RBMS3: variants seen among roughly 807,000 people sequenced by gnomAD.
RBMS3 encodes the protein RNA-binding motif, single-stranded-interacting protein 3.
Under a neutral mutation model 66.8 loss-of-function variants are expected in RBMS3, and 27 were observed. That is an observed-to-expected ratio of 0.40 (90% CI 0.30 to 0.56). The LOEUF is 0.56. Among genes scored for constraint, RBMS3 ranks in the 20% least tolerant of loss-of-function variants. The pLI is 0.40. For missense variants in RBMS3, 513 were observed against 549.5 expected (o/e 0.93, Z 0.66); for synonymous variants, 188 against 183.0 (o/e 1.03, Z -0.22).
At chr3:29,693,293 A>C (rs2052117645) in intron 4 of RBMS3, among the ~76,000 whole-genome samples, 1 of 152,180 alleles carries the variant, frequency 6.6e-6, no homozygotes, top group Non-Finnish European at 1.5e-5. Context: ...ATAGACCTCA[A>C]ATTCATGACT....
intron 4 of RBMS3, among the ~76,000 whole-genome samples, chr3:29,732,796 C>A (rs2054191398): frequency 6.6e-6 from 1 of 152,026 alleles, no homozygotes; most frequent in Non-Finnish European, 1.5e-5. Flanking sequence ...TTAAAAAAAT[C>A]TTGCTCCCTT....
intron 4 of RBMS3, among the ~76,000 whole-genome samples, chr3:29,670,090 C>A (rs2050930615): frequency 1.3e-5 from 2 of 152,088 alleles, no homozygotes; most frequent in African/African-American, 2.4e-5. Flanking sequence ...GTCTTTGGTG[C>A]TAGTCAAATA....
chr3:29,885,371 T>C (rs17618257), intron 8 of RBMS3, among the ~76,000 whole-genome samples: 10,828 of 151,908 alleles, frequency 0.071, 464 homozygotes, highest in South Asian at 0.11. Context: ...AACAAAATTC[T>C]ATAAACTGGG....
chr3:29,525,025 G>C (rs2045037852), intron 3 of RBMS3, among the ~76,000 whole-genome samples: 1 of 152,076 alleles, frequency 6.6e-6, no homozygotes, highest in Admixed American at 6.5e-5. Context: ...CCGCACTCTA[G>C]TCTGGGCTGC....
At chr3:29,951,160 T>G (rs1449297) in intron 12 of RBMS3, among the ~76,000 whole-genome samples, 150,348 of 151,912 alleles carry the variant, frequency 0.99, 74,412 homozygotes, top group East Asian at 1. Flanking sequence ...AATTCCTTTA[T>G]TAAAAAATAA....
chr3:29,504,781 T>C (rs187992821), intron 3 of RBMS3, among the ~76,000 whole-genome samples: 107 of 152,210 alleles, frequency 7.0e-4, no homozygotes, highest in African/African-American at 2.5e-3. Flanking sequence ...CTAATAGCCA[T>C]TCTAACAGGT....
At chr3:29,419,762 A>T (rs1241877017) in intron 1 of RBMS3, among the ~76,000 whole-genome samples, 2 of 152,224 alleles carry the variant, frequency 1.3e-5, no homozygotes, top group African/African-American at 4.8e-5. Flanking sequence ...GGGGAGAGCG[A>T]TGCATATGTA....
At chr3:29,914,865 A>G (rs1469840410) in intron 10 of RBMS3, among the ~76,000 whole-genome samples, 4 of 151,832 alleles carry the variant, frequency 2.6e-5, no homozygotes, top group Non-Finnish European at 4.4e-5. Flanking sequence ...TTTTGCAAAC[A>G]TTTCAGGAAA....
intron 1 of RBMS3, among the ~76,000 whole-genome samples, chr3:29,327,508 T>C (rs774469656): frequency 7.4e-4 from 112 of 152,340 alleles, no homozygotes; most frequent in Non-Finnish European, 1.4e-3. Flanking sequence ...TCCTCCTCCT[T>C]CTGTTACTTA....
At position 29,402,228 on chromosome 3, in the gene RBMS3, A is replaced by G. The variant is rs547712175; in HGVS notation, c.76-32515A>G. 4.6e-5 allele frequency among the ~76,000 whole-genome samples: 7 copies of G among 152,206 alleles called. No homozygotes were observed. The South Asian group carries it at 1.2e-3, about 27-fold the overall frequency. On this transcript the variant is annotated intron_variant, in intron 1 of 14. Coordinates refer to ENST00000383767, the MANE Select transcript of RBMS3 (RefSeq NM_001003793.3). ...AATTGTAAGAGGCTCCTATGTAGGA[A>G]ACATTATTCTAATGAAGAAAAAGCT...
intron 3 of RBMS3, among the ~76,000 whole-genome samples, chr3:29,572,610 G>A (rs767673500): frequency 3.9e-5 from 6 of 152,080 alleles, no homozygotes; most frequent in African/African-American, 4.8e-5. Context: ...CCTCCAAGAC[G>A]TAAATCCCAC....
intron 12 of RBMS3, among the ~76,000 whole-genome samples, chr3:29,981,705 G>A (rs781124331): frequency 6.6e-6 from 1 of 151,486 alleles, no homozygotes; most frequent in Non-Finnish European, 1.5e-5. Flanking sequence ...TTTGTCATTG[G>A]TCCTGTTTAT....
intron 6 of RBMS3, among the ~76,000 whole-genome samples, chr3:29,790,185 A>G (rs2056954476): frequency 6.6e-6 from 1 of 152,208 alleles, no homozygotes; most frequent in Non-Finnish European, 1.5e-5. Context: ...TTTTTGCTCA[A>G]TATTTCAAGG....
rs1309174374 is a variant in RBMS3, at chr3:29,998,684, A to C, written c.1308-5172A>C. Among the ~76,000 whole-genome samples the C allele has an allele frequency of 2.6e-5, 4 of 152,208 alleles. No individual in the cohort carries two copies. The East Asian group carries it at 5.8e-4, about 22-fold the overall frequency. On this transcript the variant is annotated intron_variant, in intron 14 of 14. Coordinates refer to ENST00000383767, the MANE Select transcript of RBMS3 (RefSeq NM_001003793.3). ...ATGGGGAAAGGATTCCCTATTGAAT[A>C]AATGGTGCTGGGAAAACTGGCTAGC...
At chr3:29,800,709 CTT>C (rs2057360977) in intron 6 of RBMS3, among the ~76,000 whole-genome samples, 2 of 152,006 alleles carry the variant, frequency 1.3e-5, no homozygotes, top group Admixed American at 1.3e-4. Context: ...CAATAGTGCA[CTT>C]TTTTTGGAAA....
chr3:29,968,671 C>A (rs1697025752), intron 12 of RBMS3, among the ~76,000 whole-genome samples: 1 of 152,210 alleles, frequency 6.6e-6, no homozygotes, highest in African/African-American at 2.4e-5. Context: ...GTTCCCACTT[C>A]CTCAGTTGGG....
intron 6 of RBMS3, among the ~76,000 whole-genome samples, chr3:29,774,479 A>G (rs2149400150): frequency 6.6e-6 from 1 of 152,220 alleles, no homozygotes; most frequent in Admixed American, 6.5e-5. Flanking sequence ...AAATAAAAAA[A>G]TCTTAGCAAA....
chr3:29,698,653 G>C, intron 4 of RBMS3: 1 of 977,298 alleles, frequency 1.0e-6, no homozygotes. Context: ...CATCTCCCAA[G>C]TCTTCTCATT....
intron 8 of RBMS3, among the ~76,000 whole-genome samples, chr3:29,896,319 G>A (rs1317776102): frequency 3.3e-5 from 5 of 150,974 alleles, no homozygotes; most frequent in Admixed American, 2.0e-4. Context: ...GACCCCTGAG[G>A]TTGGATGAAG....
Sources: allele counts gnomAD v4.1 joint callset (sites outside exome capture counted in the v4.1 genomes callset), GRCh38; gene constraint gnomAD v4.1.1; transcripts MANE v1.5; gene names NCBI Gene and HGNC (gene_info 2026-07-23, HGNC 2026-07-21).